The following ESM1 variants were observed in gnomAD, a reference collection of about 807,000 sequenced individuals.
ESM1 encodes the protein endothelial cell specific molecule 1.
Under a neutral mutation model 14.9 loss-of-function variants are expected in ESM1, and 7 were observed. That is an observed-to-expected ratio of 0.47 (90% CI 0.27 to 0.88). The LOEUF (loss-of-function observed/expected upper bound fraction) is 0.88, where lower values mean the gene tolerates loss of function less well. ESM1 is among the 40% of genes least tolerant of loss of function. The pLI is 0.14. For synonymous variants in ESM1, 89 were observed against 89.4 expected (o/e 1.00, Z 0.02); for missense variants, 192 against 237.9 (o/e 0.81, Z 1.27).
At position 54,985,583 on chromosome 5, in the gene ESM1, A is replaced by G; in HGVS notation, c.-66T>C. ...TTTGCTGGTGGGAAGCAGCCGTCCA[A>G]ACTGGTAGCTGAGCCTCTGCCTACA... On this transcript the variant is annotated 5_prime_UTR_variant, in exon 1 of 3. Coordinates refer to ENST00000381405, the MANE Select transcript of ESM1 (RefSeq NM_007036.5). 4 of 1,455,300 alleles carry G rather than the reference A, an allele frequency of 2.7e-6. No homozygotes were observed. Among genetic ancestry groups the G allele is most frequent in the Non-Finnish European group, 3.7e-6 (4 of 1,073,956 alleles). 90.1% of individuals were successfully genotyped at this position (1,455,300 alleles called of 1,614,324 possible). A position where few individuals can be genotyped will look rare whatever the true frequency, so the allele number is the denominator to read the frequency against.
intron 2 of ESM1, 124 bp from the exon 3 acceptor site, chr5:54,979,559 C>A: frequency 1.5e-6 from 1 of 681,364 alleles, no homozygotes; most frequent in South Asian, 1.8e-5. Flanking sequence ...AGATTCCATG[C>A]TAACTGTATT....
chr5:54,979,020 C>T lies in ESM1; in HGVS notation c.*312G>A, dbSNP rs889258349. 4 of 221,766 alleles carry T rather than the reference C, an allele frequency of 1.8e-5. No individual in the cohort carries two copies. The highest frequency in any genetic ancestry group is 9.3e-5 in the African/African-American group (4 of 43,214). 13.7% of individuals were successfully genotyped at this position (221,766 alleles called of 1,614,324 possible). A position where few individuals can be genotyped will look rare whatever the true frequency, so the allele number is the denominator to read the frequency against. ...CACTGCGGTCTTCAGCTTTGCCTAGCTCCCTCTTTGGTTGACCTGTCTCCA... is the reference window on the plus strand; with the variant it reads ...CACTGCGGTCTTCAGCTTTGCCTAGTTCCCTCTTTGGTTGACCTGTCTCCA... On this transcript the variant is annotated 3_prime_UTR_variant, in exon 3 of 3. Coordinates refer to ENST00000381405, the MANE Select transcript of ESM1 (RefSeq NM_007036.5).
chr5:54,980,680 G>A (rs1744036013), intron 2 of ESM1, among the ~76,000 whole-genome samples: 1 of 152,144 alleles, frequency 6.6e-6, no homozygotes, highest in South Asian at 2.1e-4. Flanking sequence ...GCCTAACTTT[G>A]ATGTGGAAAT....
At chr5:54,981,251 T>G (rs554738565) in intron 2 of ESM1, among the ~76,000 whole-genome samples, 31 of 152,302 alleles carry the variant, frequency 2.0e-4, no homozygotes, top group African/African-American at 7.2e-4. Flanking sequence ...GCCTAAGCTT[T>G]AGTGATGTAT....
chr5:54,983,116 A>G (rs978278599), intron 1 of ESM1, among the ~76,000 whole-genome samples: 6 of 152,194 alleles, frequency 3.9e-5, no homozygotes, highest in African/African-American at 1.4e-4. Context: ...AGTCTCTAGC[A>G]GTCTAATACT....
Position 54,985,473 on chromosome 5 carries a change from G to A in ESM1, c.45C>T (p.His15=), listed in dbSNP as rs148610829. ...LLLTTLLVPA[H]LVAAWSNNYA... is the part of the protein sequence containing the mutation. ...AATTATTGCTCCAGGCGGCCACCAG[G>A]TGTGCAGGCACGAGGAGCGTGGTCA... Residue 15 remains histidine, a synonymous_variant, in exon 1 of 3, where the codon CAC becomes CAT. Coordinates refer to ENST00000381405, the MANE Select transcript of ESM1 (RefSeq NM_007036.5). The A allele has an allele frequency of 1.8e-4, 288 of 1,610,944 alleles. No homozygotes were observed. Among genetic ancestry groups the A allele is most frequent in the Non-Finnish European group, 2.3e-4 (274 of 1,177,682 alleles).
chr5:54,981,643 T>C (rs1377607916), intron 2 of ESM1, among the ~76,000 whole-genome samples: 3 of 152,246 alleles, frequency 2.0e-5, no homozygotes, highest in Admixed American at 6.5e-5. Flanking sequence ...AATAGTTTTG[T>C]CTAGTAAATA....
rs542750498 is a variant in ESM1 at position 54,979,337 on chromosome 5, G to A, written c.550C>T (p.Arg184Cys). 18 of 1,610,408 alleles carry A rather than the reference G, an allele frequency of 1.1e-5. No individual in the cohort carries two copies. The African/African-American group carries it at 1.3e-4, about 12-fold the overall frequency. ...CTCAGAAATCACAGCCGGGATCAGC[G>A]TGGATTTAACCATTTCCTCATTACG... Reference protein sequence around the residue: ...SPVMRKWLNPR With the variant: ...SPVMRKWLNPC Residue 184 changes from arginine to cysteine, a missense_variant, in exon 3 of 3, where the codon CGC (arginine) becomes TGC (cysteine). Arg to Cys is a radical substitution (Grantham distance 180). Coordinates refer to ENST00000381405, the MANE Select transcript of ESM1 (RefSeq NM_007036.5).
chr5:54,982,384 G>A (rs1317021495), intron 1 of ESM1, among the ~76,000 whole-genome samples: 1 of 152,158 alleles, frequency 6.6e-6, no homozygotes, highest in Non-Finnish European at 1.5e-5. Flanking sequence ...GTAAAGTTAA[G>A]TTGAAGACAG....
rs1227890396 is a variant in ESM1, at chr5:54,978,739, G to A, written c.*593C>T. ...CTTTTGAAATTGCTCTCAGTTCAAA[G>A]CTGTTTGTTACTCAAATTTCCATAA... On this transcript the variant is annotated 3_prime_UTR_variant, in exon 3 of 3. Coordinates refer to ENST00000381405, the MANE Select transcript of ESM1 (RefSeq NM_007036.5). 6.6e-6 allele frequency: 1 copy of A among 152,022 alleles called. No homozygotes were observed. Among genetic ancestry groups the A allele is most frequent in the African/African-American group, 2.4e-5 (1 of 41,238 alleles). 9.4% of individuals were successfully genotyped at this position (152,022 alleles called of 1,614,324 possible). A position where few individuals can be genotyped will look rare whatever the true frequency, so the allele number is the denominator to read the frequency against.
rs1561242898 is a variant in ESM1 at position 54,978,848 on chromosome 5, CAATT to C, written c.*480_*483del. 3.4e-5 allele frequency: 5 copies of C among 144,928 alleles called. No individual in the cohort carries two copies. Among genetic ancestry groups the C allele is most frequent in the African/African-American group, 1.3e-4 (5 of 38,996 alleles). The allele number at this position is 144,928 out of a possible 1,614,324, so 9.0% of individuals were successfully genotyped here. On this transcript the variant is annotated 3_prime_UTR_variant, in exon 3 of 3. Transcript: ENST00000381405. ...AAAGCCAAAAAAAAAAAAAAAAGCA[CAATT>C]AAATTCTAGAGAAGCTACCTACCAA...
chr5:54,982,522 A>G (rs944248326), intron 1 of ESM1, among the ~76,000 whole-genome samples: 1 of 152,206 alleles, frequency 6.6e-6, no homozygotes, highest in Non-Finnish European at 1.5e-5. Flanking sequence ...ACATATATGC[A>G]TCAGCTCCTC....
At chr5:54,981,613 C>A (rs1462569896) in intron 2 of ESM1, among the ~76,000 whole-genome samples, 1 of 152,098 alleles carries the variant, frequency 6.6e-6, no homozygotes, top group Non-Finnish European at 1.5e-5. Context: ...AGTACTTTTT[C>A]TATGTGAAGT....
intron 2 of ESM1, among the ~76,000 whole-genome samples, 176 bp from the exon 3 acceptor site, chr5:54,979,611 C>T (rs537064807): frequency 6.6e-6 from 1 of 152,258 alleles, no homozygotes; most frequent in South Asian, 2.1e-4. Flanking sequence ...ACAATAGCAC[C>T]CCTTGAATTA....
chr5:54,985,162 G>A, intron 1 of ESM1, 55 bp downstream of exon 1: 2 of 1,510,220 alleles, frequency 1.3e-6, no homozygotes, highest in South Asian at 1.3e-5. Flanking sequence ...CTCCCAAGCT[G>A]GCTAAAAGCT....
intron 1 of ESM1, among the ~76,000 whole-genome samples, chr5:54,984,603 T>C (rs1740492457): frequency 6.6e-6 from 1 of 152,242 alleles, no homozygotes; most frequent in South Asian, 2.1e-4. Flanking sequence ...CACCATCTGC[T>C]ATTTTTCCAG....
At chr5:54,982,691 T>C (rs894273253) in intron 1 of ESM1, among the ~76,000 whole-genome samples, 1 of 152,210 alleles carries the variant, frequency 6.6e-6, no homozygotes, top group Admixed American at 6.5e-5. Flanking sequence ...CCAACCCTTA[T>C]CAAGTTCCTT....
At chr5:54,983,703 T>A (rs948032855) in intron 1 of ESM1, among the ~76,000 whole-genome samples, 12 of 152,234 alleles carry the variant, frequency 7.9e-5, no homozygotes, top group African/African-American at 2.7e-4. Context: ...AAGATCTTTT[T>A]AGTATCTTGA....
In ESM1 at chr5:54,978,299, G is replaced by C. The variant is rs1488101386; in HGVS notation, c.*1033C>G. 3 of 151,824 alleles carry C rather than the reference G, an allele frequency of 2.0e-5. No individual in the cohort carries two copies. The highest frequency in any genetic ancestry group is 7.3e-5 in the African/African-American group (3 of 41,332). 9.4% of individuals were successfully genotyped at this position (151,824 alleles called of 1,614,324 possible). The stretch of plus-strand genomic sequence containing the variant: ...GTCACAGCACTTATGTTTAAATAAG[G>C]ACCCTCTGTTGCTCATTTTTTGACA... On this transcript the variant is annotated 3_prime_UTR_variant, in exon 3 of 3. Transcript: ENST00000381405.
Sources: gnomAD v4.1 joint callset for allele counts (sites outside exome capture counted in the v4.1 genomes callset) on GRCh38, gnomAD v4.1.1 for gene constraint, MANE v1.5 for transcripts, NCBI Gene and HGNC (gene_info 2026-07-23, HGNC 2026-07-21) for gene names.